Variants in TCEA1 observed in about 807,000 individuals in gnomAD.
TCEA1 encodes transcription elongation factor A protein 1.
Under a neutral mutation model 43.8 loss-of-function variants are expected in TCEA1, and 21 were observed. The ratio of observed to expected loss-of-function variants is 0.48; its 90% CI spans 0.34 to 0.69. The LOEUF is 0.69. Among genes scored for constraint, TCEA1 ranks in the 30% least tolerant of loss-of-function variants. TCEA1 has a pLI of 0.01. For synonymous variants in TCEA1, 104 were observed against 117.5 expected (o/e 0.88, Z 0.75); for missense variants, 250 against 365.1 (o/e 0.68, Z 2.57).
intron 7 of TCEA1, among the ~76,000 whole-genome samples, chr8:53,979,812 GA>G (rs893459990): frequency 1.3e-5 from 2 of 152,110 alleles, no homozygotes; most frequent in African/African-American, 4.8e-5. Flanking sequence ...GGTTTTTTGA[GA>G]TGTTTTTCAG....
intron 5 of TCEA1, 76 bp from the exon 6 acceptor site, chr8:53,987,101 G>A: frequency 1.7e-6 from 2 of 1,204,682 alleles, no homozygotes; most frequent in Non-Finnish European, 2.4e-6. Context: ...TAATTAAACT[G>A]CATTCCTATT....
intron 2 of TCEA1, among the ~76,000 whole-genome samples, chr8:54,003,935 G>A (rs965159687): frequency 2.0e-5 from 3 of 148,844 alleles, no homozygotes; most frequent in Admixed American, 6.7e-5. Context: ...ATTACAACTC[G>A]ATTAAAAAAA....
rs1309506838 is a variant in TCEA1, at chr8:53,967,389, C to T, written c.*715G>A. On this transcript the variant is annotated 3_prime_UTR_variant, in exon 10 of 10. Coordinates refer to ENST00000521604, the MANE Select transcript of TCEA1 (RefSeq NM_006756.4). ...AGTGTTCTTCTGCAAAACTAAAACA[C>T]ATTATAAAGTCAAACAGGTAAATTA... is the stretch of plus-strand genomic sequence containing the variant. 1 of 200,182 alleles carries T rather than the reference C, an allele frequency of 5.0e-6. No homozygotes were observed. Among genetic ancestry groups the T allele is most frequent in the East Asian group, 7.8e-5 (1 of 12,836 alleles). The allele number at this position is 200,182 out of a possible 1,614,324, so 12.4% of individuals were successfully genotyped here.
At chr8:53,998,680 T>A (rs1406828218) in intron 3 of TCEA1, among the ~76,000 whole-genome samples, 1 of 152,090 alleles carries the variant, frequency 6.6e-6, no homozygotes, top group Non-Finnish European at 1.5e-5. Context: ...AAATTTAAGG[T>A]GAGGGAATTC....
intron 8 of TCEA1, among the ~76,000 whole-genome samples, chr8:53,971,011 GT>G (rs1178783112): frequency 6.6e-6 from 1 of 152,106 alleles, no homozygotes; most frequent in Non-Finnish European, 1.5e-5. Flanking sequence ...TACAAAGGAT[GT>G]TTAAAGAGTA....
chr8:53,982,553 A>G (rs553505350), intron 7 of TCEA1, among the ~76,000 whole-genome samples: 17 of 147,960 alleles, frequency 1.1e-4, no homozygotes, highest in Admixed American at 7.5e-4. Context: ...GGTTGCAGTG[A>G]GCAGAGATCA....
intron 8 of TCEA1, chr8:53,973,815 G>T: frequency 2.5e-6 from 1 of 404,752 alleles, no homozygotes; most frequent in East Asian, 6.1e-5. Flanking sequence ...AAAAGCTGTG[G>T]AAAAAACCCT....
chr8:53,993,879 T>C (rs953053051), intron 3 of TCEA1, 124 bp from the exon 4 acceptor site: 19 of 736,860 alleles, frequency 2.6e-5, no homozygotes, highest in South Asian at 6.9e-5. Flanking sequence ...TAGATGAAGT[T>C]TGCATAAGCT....
At chr8:54,001,714 CT>C (rs1804270224) in intron 2 of TCEA1, among the ~76,000 whole-genome samples, 3 of 152,270 alleles carry the variant, frequency 2.0e-5, no homozygotes, top group African/African-American at 7.2e-5. Flanking sequence ...TGGGTGATTG[CT>C]TTTTAATTAT....
chr8:53,983,812 T>C (rs1458399798), intron 7 of TCEA1, among the ~76,000 whole-genome samples: 2 of 152,192 alleles, frequency 1.3e-5, no homozygotes, highest in African/African-American at 2.4e-5. Flanking sequence ...TAAAAAACAC[T>C]TGGTGGCCAG....
At chr8:53,975,580 T>C (rs1803306784) in intron 8 of TCEA1, among the ~76,000 whole-genome samples, 1 of 152,194 alleles carries the variant, frequency 6.6e-6, no homozygotes, top group South Asian at 2.1e-4. Flanking sequence ...AAGTCTGACA[T>C]ATATCACAAC....
At chr8:53,972,766 C>T (rs753235294) in intron 8 of TCEA1, 1 of 713,180 alleles carries the variant, frequency 1.4e-6, no homozygotes, top group Non-Finnish European at 2.7e-6. Flanking sequence ...TACTATTATG[C>T]AGTAGTAGAC....
intron 1 of TCEA1, among the ~76,000 whole-genome samples, chr8:54,010,975 T>C (rs928394387): frequency 1.8e-4 from 27 of 152,170 alleles, no homozygotes; most frequent in African/African-American, 5.8e-4. Flanking sequence ...ACCACCACGC[T>C]GGGCTAATTT....
intron 8 of TCEA1, among the ~76,000 whole-genome samples, chr8:53,971,010 T>C (rs977879820): frequency 6.6e-6 from 1 of 152,170 alleles, no homozygotes; most frequent in Non-Finnish European, 1.5e-5. Context: ...ATACAAAGGA[T>C]GTTTAAAGAG....
chr8:54,021,997 GGCGGCCCCCTCGGGCCGGACC>G (rs1405149533), intron 1 of TCEA1, 45 bp downstream of exon 1: 339 of 1,403,096 alleles, frequency 2.4e-4, no homozygotes, highest in Non-Finnish European at 2.9e-4. Flanking sequence ...GGAGGGAGGG[GGCGGCCCCCTCGGGCCGGACC>G]GCGGCCCGGC....
intron 9 of TCEA1, among the ~76,000 whole-genome samples, chr8:53,969,726 C>T (rs1345709111): frequency 6.6e-6 from 1 of 152,194 alleles, no homozygotes; most frequent in Non-Finnish European, 1.5e-5. Context: ...TAAACTCCTA[C>T]CACGTAAGCC....
At chr8:53,999,390 T>C (rs1804177857) in intron 3 of TCEA1, among the ~76,000 whole-genome samples, 1 of 152,068 alleles carries the variant, frequency 6.6e-6, no homozygotes, top group Admixed American at 6.6e-5. Flanking sequence ...ATTTCCTATA[T>C]TTCTTATACT....
intron 2 of TCEA1, among the ~76,000 whole-genome samples, chr8:54,006,633 G>T (rs1217209664): frequency 2.0e-5 from 3 of 152,084 alleles, no homozygotes; most frequent in Admixed American, 6.5e-5. Context: ...ATAAATAATG[G>T]GATTACTATG....
At chr8:53,972,166 G>A (rs1803176747) in intron 8 of TCEA1, 2 of 315,096 alleles carry the variant, frequency 6.3e-6, no homozygotes, top group East Asian at 9.0e-5. Context: ...TCAACAGACA[G>A]TAAAATGTTT....
Sources: gnomAD v4.1 joint callset for allele counts (sites outside exome capture counted in the v4.1 genomes callset) on GRCh38, gnomAD v4.1.1 for gene constraint, MANE v1.5 for transcripts, NCBI Gene and HGNC (gene_info 2026-07-23, HGNC 2026-07-21) for gene names.